The following POLA1 variants were observed in gnomAD, a reference collection of about 807,000 sequenced individuals.
The protein encoded by POLA1 is DNA polymerase alpha catalytic subunit.
Under a neutral mutation model 124.0 loss-of-function variants are expected in POLA1, and 15 were observed. That is an observed-to-expected ratio of 0.12 (90% CI 0.08 to 0.19). The LOEUF (loss-of-function observed/expected upper bound fraction) is 0.19, where lower values mean the gene tolerates loss of function less well. POLA1 is among the 10% of genes least tolerant of loss of function. POLA1 has a pLI of 1.00. For missense variants in POLA1, 886 were observed against 1,103.4 expected (o/e 0.80, Z 2.79); for synonymous variants, 408 against 389.4 (o/e 1.05, Z -0.56).
At chrX:24,883,390 G>A (rs1232149974) in intron 34 of POLA1, among the ~76,000 whole-genome samples, 1 of 112,104 alleles carries the variant, frequency 8.9e-6, no homozygotes, top group Non-Finnish European at 1.9e-5. Context: ...TGTGTGTATA[G>A]CCTTCTACAA....
intron 26 of POLA1, among the ~76,000 whole-genome samples, chrX:24,751,833 A>G (rs2148409854): frequency 8.9e-6 from 1 of 111,923 alleles, no homozygotes; most frequent in Non-Finnish European, 1.9e-5. Context: ...GAGATTTTGG[A>G]ATACCTTTGT....
intron 4 of POLA1, among the ~76,000 whole-genome samples, chrX:24,709,512 A>ACGGGGTGGCTGCCGGG (rs1929187138): frequency 9.5e-6 from 1 of 105,158 alleles, no homozygotes; most frequent in Admixed American, 9.7e-5. Flanking sequence ...TCCCTCCCGG[A>ACGGGGTGGCTGCCGGG]CGGGGTGGCT....
chrX:24,758,181 A>G (rs1248737744), intron 26 of POLA1, among the ~76,000 whole-genome samples: 3 of 111,588 alleles, frequency 2.7e-5, no homozygotes, highest in Non-Finnish European at 5.6e-5. Flanking sequence ...AGAATAATTT[A>G]TGCTTATATA....
intron 34 of POLA1, among the ~76,000 whole-genome samples, chrX:24,858,278 T>G (rs1230225672): frequency 8.9e-6 from 1 of 112,129 alleles, no homozygotes; most frequent in African/African-American, 3.2e-5. Flanking sequence ...TGTATAAACC[T>G]AGGTGAGGAG....
intron 34 of POLA1, among the ~76,000 whole-genome samples, chrX:24,870,115 G>C (rs1318064232): frequency 1.8e-5 from 2 of 111,933 alleles, no homozygotes; most frequent in Non-Finnish European, 3.8e-5. Flanking sequence ...TCTGCTTAGG[G>C]AATCAGTTTG....
intron 36 of POLA1, among the ~76,000 whole-genome samples, chrX:24,950,848 T>A (rs1187735989): frequency 2.7e-5 from 3 of 112,115 alleles, no homozygotes; most frequent in Admixed American, 9.4e-5. Context: ...TACAGAGTCA[T>A]GTAGGAAACT....
At position 24,696,170 on chromosome X, in the gene POLA1, G is replaced by A. The variant is rs181322388; in HGVS notation, c.43+2166G>A. Among the ~76,000 whole-genome samples, 13 of 112,602 alleles carry A rather than the reference G, an allele frequency of 1.2e-4. 1 individual carries two copies. The highest frequency in any genetic ancestry group is 4.2e-4 in the African/African-American group (13 of 31,005). The stretch of plus-strand genomic sequence containing the variant: ...ACATGATTATCCCCATTTCACAGAT[G>A]TGGACCCTGAGGCTCTGCATCAGTC... On this transcript the variant is annotated intron_variant, in intron 1 of 36. Transcript: ENST00000379068.
chrX:24,880,730 C>G (rs1453194998), intron 34 of POLA1, among the ~76,000 whole-genome samples: 1 of 111,627 alleles, frequency 9.0e-6, no homozygotes, highest in East Asian at 2.8e-4. Flanking sequence ...TATAAGGAGA[C>G]CCATTTTTTG....
intron 26 of POLA1, among the ~76,000 whole-genome samples, chrX:24,808,364 G>A (rs1180675317): frequency 1.8e-5 from 2 of 111,910 alleles, no homozygotes; most frequent in Non-Finnish European, 3.8e-5. Context: ...TTCTCCTTAC[G>A]TTTAATTGGC....
intron 18 of POLA1, 108 bp downstream of exon 18, chrX:24,735,596 T>C: frequency 2.1e-6 from 1 of 482,000 alleles, no homozygotes; most frequent in Non-Finnish European, 3.7e-6. Context: ...CAGAGTAAAA[T>C]GATCCTGTGG....
chrX:24,867,018 G>A (rs925167904), intron 34 of POLA1, among the ~76,000 whole-genome samples: 2 of 111,250 alleles, frequency 1.8e-5, no homozygotes, highest in Non-Finnish European at 3.8e-5. Flanking sequence ...CAAAATTAAC[G>A]AAAATATTTT....
chrX:24,826,953 AT>A, intron 32 of POLA1, among the ~76,000 whole-genome samples: 1 of 112,240 alleles, frequency 8.9e-6, no homozygotes, highest in African/African-American at 3.2e-5. Flanking sequence ...AAGGAGATTG[AT>A]GCTATCTTGA....
At chrX:24,756,135 C>T (rs1932587242) in intron 26 of POLA1, among the ~76,000 whole-genome samples, 1 of 111,945 alleles carries the variant, frequency 8.9e-6, no homozygotes, top group Non-Finnish European at 1.9e-5. Flanking sequence ...AGCTTGCAAA[C>T]CCATGGTCTA....
chrX:24,973,049 G>C (rs1020332272), intron 36 of POLA1, among the ~76,000 whole-genome samples: 2 of 112,011 alleles, frequency 1.8e-5, no homozygotes, highest in Non-Finnish European at 3.8e-5. Flanking sequence ...GGTGGAGTCC[G>C]TGATCATGTT....
intron 32 of POLA1, among the ~76,000 whole-genome samples, chrX:24,837,642 A>G (rs1328765771): frequency 8.9e-6 from 1 of 112,089 alleles, no homozygotes; most frequent in African/African-American, 3.2e-5. Context: ...ATTGTCCTCT[A>G]AGATGTCCAG....
intron 36 of POLA1, among the ~76,000 whole-genome samples, chrX:24,950,742 C>T (rs909090932): frequency 3.6e-5 from 4 of 111,811 alleles, no homozygotes; most frequent in East Asian, 5.6e-4. Flanking sequence ...AGATAAAGGG[C>T]ATAATTAGAG....
At chrX:24,888,600 G>GTTTTTTTTTTT (rs869301308) in intron 35 of POLA1, among the ~76,000 whole-genome samples, 1 of 49,169 alleles carries the variant, frequency 2.0e-5, no homozygotes. Context: ...TTGTTTGCTT[G>GTTTTTTTTTTT]TTTTTTTTTT....
intron 26 of POLA1, among the ~76,000 whole-genome samples, chrX:24,775,006 C>G (rs1455757727): frequency 9.0e-6 from 1 of 111,706 alleles, no homozygotes; most frequent in Non-Finnish European, 1.9e-5. Context: ...TATAATCACA[C>G]CATGTCTTTT....
Position 24,716,410 on chromosome X carries a change from T to C in POLA1, c.574T>C (p.Ser192Pro), listed in dbSNP as rs2148344467. The change falls in exon 7 of 37, where the codon TCC (serine) becomes CCC (proline). Residue 192 changes from serine (S) to proline (P), a missense_variant. Physicochemically the swap from Ser to Pro is moderately conservative, Grantham distance 74. Transcript: ENST00000379068. ...TGTAATGATACTGAAGAAGAAAAGA[T>C]CCATTGGAGCTTCACCGAATCCTTT... ...PPVMILKKKR[S>P]IGASPNPFSV... 1 of 1,187,367 alleles carries C rather than the reference T, an allele frequency of 8.4e-7. No homozygotes were observed.
Sources: allele counts gnomAD v4.1 joint callset (sites outside exome capture counted in the v4.1 genomes callset), GRCh38; gene constraint gnomAD v4.1.1; transcripts MANE v1.5; gene names NCBI Gene and HGNC (gene_info 2026-07-23, HGNC 2026-07-21).